KCNQ1OT1: variants seen among roughly 807,000 people sequenced by gnomAD.
KCNQ1OT1 encodes the protein KCNQ1 opposite strand/antisense transcript 1, also known as KCNQ1 antisense RNA 2 (non-protein coding).
exon 1 of KCNQ1OT1, chr11:2,666,406 C>T (rs958585570): frequency 5.0e-6 from 2 of 398,696 alleles, no homozygotes; most frequent in Non-Finnish European, 8.8e-6. Context: ...TGAGCAAAAA[C>T]AGCCCCGTGT....
At chr11:2,633,587 A>G (rs900636300) in exon 1 of KCNQ1OT1, 1 of 398,448 alleles carries the variant, frequency 2.5e-6, no homozygotes, top group African/African-American at 2.1e-5. Context: ...TGCATATGAT[A>G]TCCTGTTTTC....
exon 1 of KCNQ1OT1, chr11:2,655,188 T>C (rs762225275): frequency 7.5e-5 from 30 of 398,480 alleles, no homozygotes; most frequent in Non-Finnish European, 1.2e-4. Context: ...GGGTGAGACT[T>C]GGCAGCCAGC....
chr11:2,651,255 C>T lies in KCNQ1OT1; in HGVS notation n.48740G>A, dbSNP rs1369554510. On this transcript the variant is annotated non_coding_transcript_exon_variant, in exon 1 of 1. Coordinates refer to ENST00000597346, the Ensembl canonical transcript of KCNQ1OT1. This position sits in a 1 kb window ranked among gnomAD's most constrained non-coding sequence, Gnocchi z 6.1. ...CACACAGCTTAATTCAGGAATTAAG[C>T]TGTGCTGGTCACTTATTGAGAAAGA... is the stretch of plus-strand genomic sequence containing the variant. The T allele has an allele frequency of 5.0e-6, 2 of 398,550 alleles. No individual in the cohort carries two copies. Among genetic ancestry groups the T allele is most frequent in the African/African-American group, 4.1e-5 (2 of 48,646 alleles). The allele number at this position is 398,550 out of a possible 1,614,324, so 24.7% of individuals were successfully genotyped here.
exon 1 of KCNQ1OT1, chr11:2,635,336 T>G (rs1849446046): frequency 6.6e-6 from 1 of 151,500 alleles, no homozygotes; most frequent in African/African-American, 2.4e-5. Context: ...AAGTCTTTAA[T>G]CCATCTTGAA....
rs546420745 is a variant in KCNQ1OT1 at position 2,626,519 on chromosome 11, C to T, written n.73476G>A. ...CACATAGTTTTGATTACTGTAGCTTCGTAATAAGTTGGGGTTTTTGTTTGT... is the reference window on the plus strand; with the variant it reads ...CACATAGTTTTGATTACTGTAGCTTTGTAATAAGTTGGGGTTTTTGTTTGT... On this transcript the variant is annotated non_coding_transcript_exon_variant, in exon 1 of 1. Coordinates refer to ENST00000597346, the Ensembl canonical transcript of KCNQ1OT1. The surrounding 1 kb of genome is among the most constrained non-coding windows in gnomAD (Gnocchi z 4.0). 1.3e-5 allele frequency: 5 copies of T among 398,504 alleles called. No homozygotes were observed. Among genetic ancestry groups the T allele is most frequent in the Admixed American group, 4.4e-5 (1 of 22,722 alleles). 24.7% of individuals were successfully genotyped at this position (398,504 alleles called of 1,614,324 possible). A position where few individuals can be genotyped will look rare whatever the true frequency, so the allele number is the denominator to read the frequency against.
Position 2,668,267 on chromosome 11 carries a change from T to C in KCNQ1OT1, n.31728A>G. The C allele has an allele frequency of 7.5e-6, 3 of 398,640 alleles. No individual in the cohort carries two copies. Among genetic ancestry groups the C allele is most frequent in the Non-Finnish European group, 1.3e-5 (3 of 226,102 alleles). 24.7% of individuals were successfully genotyped at this position (398,640 alleles called of 1,614,324 possible). ...TCTGGTGTAGGTTGCTGTTTAAGAA[T>C]ATTCTGTACATGCTTTTGGTGAGCA... On this transcript the variant is annotated non_coding_transcript_exon_variant, in exon 1 of 1. Coordinates refer to ENST00000597346, the Ensembl canonical transcript of KCNQ1OT1. The surrounding 1 kb of genome is among the most constrained non-coding windows in gnomAD (Gnocchi z 4.3).
At position 2,645,742 on chromosome 11, in the gene KCNQ1OT1, G is replaced by C. The variant is rs1029460935; in HGVS notation, n.54253C>G. ...GCTTTGTGTAAGGGATGTCCATGGGGCTCCAGGGATGAGATAGAGGGATGT... is the reference window on the plus strand; with the variant it reads ...GCTTTGTGTAAGGGATGTCCATGGGCCTCCAGGGATGAGATAGAGGGATGT... On this transcript the variant is annotated non_coding_transcript_exon_variant, in exon 1 of 1. Transcript: ENST00000597346. This position sits in a 1 kb window ranked among gnomAD's most constrained non-coding sequence, Gnocchi z 5.8. 1.5e-5 allele frequency: 6 copies of C among 398,752 alleles called. No homozygotes were observed. The highest frequency in any genetic ancestry group is 7.1e-5 in the East Asian group (2 of 28,082). The allele number at this position is 398,752 out of a possible 1,614,324, so 24.7% of individuals were successfully genotyped here.
At chr11:2,648,563 C>T (rs1388851361) in exon 1 of KCNQ1OT1, 4 of 398,200 alleles carry the variant, frequency 1.0e-5, no homozygotes, top group Non-Finnish European at 1.8e-5. Flanking sequence ...GTTTGATTTC[C>T]GTGTATCTGT....
rs1446060110 is a variant in KCNQ1OT1, at chr11:2,644,707, G to C, written n.55288C>G. The C allele has an allele frequency of 1.1e-4, 43 of 398,494 alleles. No individual in the cohort carries two copies. In the East Asian group the frequency reaches 1.5e-3, roughly 14 times the overall value. 24.7% of individuals were successfully genotyped at this position (398,494 alleles called of 1,614,324 possible). A position where few individuals can be genotyped will look rare whatever the true frequency, so the allele number is the denominator to read the frequency against. ...TTTTTGATCTGTCTTTCCTAAGAGA[G>C]TCTTGTTCCTGAAGATATATCTATG... On this transcript the variant is annotated non_coding_transcript_exon_variant, in exon 1 of 1. Coordinates refer to ENST00000597346, the Ensembl canonical transcript of KCNQ1OT1.
At position 2,626,288 on chromosome 11, in the gene KCNQ1OT1, C is replaced by T. The variant is rs1849261193; in HGVS notation, n.73707G>A. The T allele has an allele frequency of 2.5e-6, 1 of 398,362 alleles. No individual in the cohort carries two copies. 24.7% of individuals were successfully genotyped at this position (398,362 alleles called of 1,614,324 possible). A position where few individuals can be genotyped will look rare whatever the true frequency, so the allele number is the denominator to read the frequency against. ...ATACATGGTTAGGTAAGGATCTCAA[C>T]TTCATTCTCTTGAGTTAATTTTTGT... On this transcript the variant is annotated non_coding_transcript_exon_variant, in exon 1 of 1. Transcript: ENST00000597346. This position sits in a 1 kb window ranked among gnomAD's most constrained non-coding sequence, Gnocchi z 4.0.
chr11:2,686,367 T>A (rs1850490286), exon 1 of KCNQ1OT1: 1 of 398,696 alleles, frequency 2.5e-6, no homozygotes. Context: ...TCACTTGGGC[T>A]TATCAGCAGA....
At chr11:2,646,332 A>G (rs1207543107) in exon 1 of KCNQ1OT1, 1 of 398,588 alleles carries the variant, frequency 2.5e-6, no homozygotes, top group Non-Finnish European at 4.4e-6. Flanking sequence ...CTTTCAATCC[A>G]TGAGCATGGG....
At position 2,652,895 on chromosome 11, in the gene KCNQ1OT1, G is replaced by A; in HGVS notation, n.47100C>T. 2.5e-6 allele frequency: 1 copy of A among 398,642 alleles called. No homozygotes were observed. The highest frequency in any genetic ancestry group is 4.4e-6 in the Non-Finnish European group (1 of 226,108). 24.7% of individuals were successfully genotyped at this position (398,642 alleles called of 1,614,324 possible). On this transcript the variant is annotated non_coding_transcript_exon_variant, in exon 1 of 1. Transcript: ENST00000597346. This position sits in a 1 kb window ranked among gnomAD's most constrained non-coding sequence, Gnocchi z 5.9. ...GAGAAGTGTTTGGGGTGTGGGGTGTGGTCCTCAGTATCCTAAACTTAGGTT... is the reference window on the plus strand; with the variant it reads ...GAGAAGTGTTTGGGGTGTGGGGTGTAGTCCTCAGTATCCTAAACTTAGGTT...
exon 1 of KCNQ1OT1, chr11:2,699,237 G>T (rs1419645954): frequency 2.5e-6 from 1 of 398,676 alleles, no homozygotes; most frequent in East Asian, 3.6e-5. Flanking sequence ...TGGCCACGCT[G>T]TCCATAAGGT....
chr11:2,674,973 C>T lies in KCNQ1OT1; in HGVS notation n.25022G>A. On this transcript the variant is annotated non_coding_transcript_exon_variant, in exon 1 of 1. Coordinates refer to ENST00000597346, the Ensembl canonical transcript of KCNQ1OT1. This position sits in a 1 kb window ranked among gnomAD's most constrained non-coding sequence, Gnocchi z 5.9. ...TGACTGGAGCTGTTTCTCTTCGTTT[C>T]CTCTTACAGTGGCGGGCACTCAGCC... 2.5e-6 allele frequency: 1 copy of T among 398,210 alleles called. No homozygotes were observed. Among genetic ancestry groups the T allele is most frequent in the Non-Finnish European group, 4.4e-6 (1 of 226,020 alleles). 24.7% of individuals were successfully genotyped at this position (398,210 alleles called of 1,614,324 possible). A position where few individuals can be genotyped will look rare whatever the true frequency, so the allele number is the denominator to read the frequency against.
chr11:2,641,309 A>T (rs955098763), exon 1 of KCNQ1OT1: 4 of 398,258 alleles, frequency 1.0e-5, no homozygotes, highest in Admixed American at 8.8e-5. Context: ...CATCCTCTCC[A>T]GCATTGGTTA....
exon 1 of KCNQ1OT1, chr11:2,629,297 T>A: frequency 2.5e-6 from 1 of 398,452 alleles, no homozygotes; most frequent in Non-Finnish European, 4.4e-6. Flanking sequence ...AGTGTCTAGG[T>A]CTTTTATCTC....
chr11:2,679,789 T>C lies in KCNQ1OT1; in HGVS notation n.20206A>G. On this transcript the variant is annotated non_coding_transcript_exon_variant, in exon 1 of 1. Coordinates refer to ENST00000597346, the Ensembl canonical transcript of KCNQ1OT1. This position sits in a 1 kb window ranked among gnomAD's most constrained non-coding sequence, Gnocchi z 4.8. ...TGCACACTAGGGCCTGTTAGGCCAG[T>C]TGAGGGCTAGAGGAGCACAAGGGGC... The C allele has an allele frequency of 7.5e-6, 3 of 398,620 alleles. No homozygotes were observed. Among genetic ancestry groups the C allele is most frequent in the East Asian group, 3.6e-5 (1 of 28,080 alleles). The allele number at this position is 398,620 out of a possible 1,614,324, so 24.7% of individuals were successfully genotyped here. A position where few individuals can be genotyped will look rare whatever the true frequency, so the allele number is the denominator to read the frequency against.
chr11:2,662,166 C>T, exon 1 of KCNQ1OT1: 2 of 1,585,640 alleles, frequency 1.3e-6, no homozygotes, highest in Admixed American at 1.7e-5. Flanking sequence ...AAGCCTTGCT[C>T]TCTGGCCAGA....
Sources: gnomAD v4.1 joint callset for allele counts on GRCh38, gnomAD v4.1.1 for gene constraint, Gnocchi (gnomAD v3.1) non-coding constraint, MANE v1.5 for transcripts, NCBI Gene and HGNC (gene_info 2026-07-23, HGNC 2026-07-21) for gene names.